The following SVIL variants were observed in gnomAD, a reference collection of about 807,000 sequenced individuals.
SVIL encodes supervillin.
A neutral mutation model predicts 240.4 loss-of-function variants in SVIL; 101 were observed. The ratio of observed to expected loss-of-function variants is 0.42; its 90% CI spans 0.36 to 0.50. The LOEUF (loss-of-function observed/expected upper bound fraction) is 0.50. Ranked by LOEUF, SVIL falls within the 20% of genes least tolerant of loss-of-function variation. SVIL has a pLI of 0.01. For missense variants in SVIL, 2,512 were observed against 2,818.7 expected, an observed-to-expected ratio of 0.89 and a Z score of 2.46; for synonymous variants, 999 against 1,100.0, an observed-to-expected ratio of 0.91 and a Z score of 1.82.
At chr10:29,690,257 C>T (rs10047330) in intron 1 of SVIL, among the ~76,000 whole-genome samples, 51 of 152,266 alleles carry the variant, frequency 3.3e-4, no homozygotes, top group African/African-American at 1.2e-3. Context: ...ACAATGATCA[C>T]CTAAATTTTG....
intron 1 of SVIL, among the ~76,000 whole-genome samples, chr10:29,610,420 C>T (rs1221955743): frequency 6.6e-6 from 1 of 150,580 alleles, no homozygotes; most frequent in Non-Finnish European, 1.5e-5. Context: ...AGGCTCTCCC[C>T]TGCCCAAACA....
chr10:29,537,638 G>C (rs951847729), intron 6 of SVIL, among the ~76,000 whole-genome samples: 3 of 152,130 alleles, frequency 2.0e-5, no homozygotes, highest in African/African-American at 7.2e-5. Flanking sequence ...TTCAACACCA[G>C]GCTGGAAACA....
At chr10:29,625,380 T>C (rs1359213963) in intron 1 of SVIL, among the ~76,000 whole-genome samples, 2 of 152,214 alleles carry the variant, frequency 1.3e-5, no homozygotes, top group African/African-American at 4.8e-5. Flanking sequence ...CCGAATGTTA[T>C]GATAGCAGAG....
intron 16 of SVIL, among the ~76,000 whole-genome samples, chr10:29,520,286 T>C (rs1053996879): frequency 3.9e-5 from 6 of 152,194 alleles, no homozygotes; most frequent in Admixed American, 6.5e-5. Context: ...ATTGTTAATT[T>C]CCTTAAATGA....
intron 1 of SVIL, among the ~76,000 whole-genome samples, chr10:29,600,766 C>T (rs1956781545): frequency 6.6e-6 from 1 of 152,170 alleles, no homozygotes; most frequent in Admixed American, 6.5e-5. Flanking sequence ...AACATTCAAA[C>T]AAATCCTGTG....
chr10:29,696,311 C>T (rs1961988061), intron 1 of SVIL, among the ~76,000 whole-genome samples: 1 of 152,098 alleles, frequency 6.6e-6, no homozygotes, highest in African/African-American at 2.4e-5. Flanking sequence ...ATGGCCTCCA[C>T]CTCCCAGCCG....
intron 16 of SVIL, among the ~76,000 whole-genome samples, chr10:29,517,625 C>T (rs1250256223): frequency 4.6e-5 from 7 of 152,158 alleles, no homozygotes; most frequent in East Asian, 1.9e-4. Flanking sequence ...ATGGTTGGGG[C>T]GGGGGCCGGC....
At chr10:29,466,243 TATAAC>T (rs1399058356) in intron 33 of SVIL, among the ~76,000 whole-genome samples, 1 of 151,716 alleles carries the variant, frequency 6.6e-6, no homozygotes, top group Non-Finnish European at 1.5e-5. Context: ...ATATATGTTA[TATAAC>T]ATAAATATAC....
chr10:29,552,888 C>T (rs760946603), intron 5 of SVIL, among the ~76,000 whole-genome samples: 2 of 152,118 alleles, frequency 1.3e-5, no homozygotes, highest in Non-Finnish European at 2.9e-5. Context: ...GAAGCTTAAA[C>T]TTCACATATA....
chr10:29,461,392 G>C (rs1313897316), intron 36 of SVIL, among the ~76,000 whole-genome samples: 1 of 152,114 alleles, frequency 6.6e-6, no homozygotes, highest in Non-Finnish European at 1.5e-5. Flanking sequence ...TTGGCTCCAG[G>C]GAGACAGGTT....
chr10:29,493,426 A>G (rs776752959), intron 20 of SVIL, 35 bp from the exon 21 acceptor site: 10 of 1,609,862 alleles, frequency 6.2e-6, no homozygotes, highest in Non-Finnish European at 8.5e-6. Flanking sequence ...TAAGAGTTTT[A>G]TAAAAACAAG....
At chr10:29,513,888 T>A (rs2132495493) in intron 16 of SVIL, among the ~76,000 whole-genome samples, 1 of 152,216 alleles carries the variant, frequency 6.6e-6, no homozygotes, top group Admixed American at 6.5e-5. Context: ...AGGTTATTTT[T>A]CACAAACTTG....
intron 2 of SVIL, among the ~76,000 whole-genome samples, chr10:29,672,352 A>ATT (rs1959845338): frequency 6.6e-6 from 1 of 152,138 alleles, no homozygotes; most frequent in African/African-American, 2.4e-5. Context: ...AAAACCAATG[A>ATT]TTTCTAAGAC....
chr10:29,669,837 G>A (rs149495546), intron 2 of SVIL, among the ~76,000 whole-genome samples: 176 of 152,290 alleles, frequency 1.2e-3, no homozygotes, highest in African/African-American at 4.0e-3. Context: ...GAAAGTTGCC[G>A]GCTGTGGTGG....
At chr10:29,589,650 C>T (rs1201303247) in intron 1 of SVIL, among the ~76,000 whole-genome samples, 2 of 152,052 alleles carry the variant, frequency 1.3e-5, no homozygotes, top group Non-Finnish European at 2.9e-5. Context: ...CGAGGTGAGA[C>T]AATTTAGCTG....
chr10:29,715,975 G>C (rs574127135), intron 1 of SVIL, among the ~76,000 whole-genome samples: 4 of 152,206 alleles, frequency 2.6e-5, no homozygotes, highest in African/African-American at 9.6e-5. Context: ...TGTAAAAACT[G>C]AAGCAATGTA....
At chr10:29,478,330 G>T (rs561095584) in intron 29 of SVIL, among the ~76,000 whole-genome samples, 1 of 152,338 alleles carries the variant, frequency 6.6e-6, no homozygotes, top group South Asian at 2.1e-4. Flanking sequence ...GTTAAAAACA[G>T]TAATTACGCT....
chr10:29,478,403 C>T (rs1946439829), intron 29 of SVIL, among the ~76,000 whole-genome samples: 1 of 152,200 alleles, frequency 6.6e-6, no homozygotes, highest in Non-Finnish European at 1.5e-5. Flanking sequence ...ACAGGCCAGG[C>T]ACCTGCTAAA....
At chr10:29,661,235 A>G (rs1480738341) in intron 2 of SVIL, among the ~76,000 whole-genome samples, 2 of 152,154 alleles carry the variant, frequency 1.3e-5, no homozygotes, top group African/African-American at 4.8e-5. Context: ...CTTAAAGACA[A>G]AGGGAAAACC....
Sources: gnomAD v4.1 joint callset for allele counts (sites outside exome capture counted in the v4.1 genomes callset) on GRCh38, gnomAD v4.1.1 for gene constraint, MANE v1.5 for transcripts, NCBI Gene and HGNC (gene_info 2026-07-23, HGNC 2026-07-21) for gene names.